The following SERPINB12 variants were observed in gnomAD, a reference collection of about 807,000 sequenced individuals.
The protein encoded by SERPINB12 is serpin family B member 12, also known as serpin B12.
SERPINB12 carries 57 observed loss-of-function variants against 41.1 expected under a neutral mutation model. That is an observed-to-expected ratio of 1.39 (90% CI 1.12 to 1.73). The LOEUF is 1.73. Ranked by LOEUF, SERPINB12 falls within the 40% of genes most tolerant of loss-of-function variation. The pLI is 0.00. For missense variants in SERPINB12, 536 were observed against 501.9 expected, an observed-to-expected ratio of 1.07 and a Z score of -0.65; for synonymous variants, 180 against 181.3, an observed-to-expected ratio of 0.99 and a Z score of 0.06.
chr18:63,562,686 T>C (rs1910953075), intron 5 of SERPINB12, among the ~76,000 whole-genome samples: 2 of 152,200 alleles, frequency 1.3e-5, no homozygotes, highest in South Asian at 4.1e-4. Flanking sequence ...AAGGCTCTAC[T>C]CAGCTGTCAA....
rs1412167462 is a variant in SERPINB12 at position 63,556,322 on chromosome 18, G to T, written c.163G>T (p.Asp55Tyr). The T allele has an allele frequency of 6.2e-7, 1 of 1,613,648 alleles. No individual in the cohort carries two copies. The highest frequency in any genetic ancestry group is 8.5e-7 in the Non-Finnish European group (1 of 1,179,718). ...TAGAAGTGACAGTGCACATCAGATT[G>T]ATGAGGTACGTGTCCACTAGGGTGC... ...GARSDSAHQI[D>Y]EVLHFNEFSQ... The change falls in exon 2 of 8, where the codon GAT becomes TAT. Residue 55 changes from aspartate (D) to tyrosine (Y), a missense_variant. Asp to Tyr is a radical substitution (Grantham distance 160, BLOSUM62 -3). Coordinates refer to ENST00000382768, the MANE Select transcript of SERPINB12 (RefSeq NM_001307928.2).
the SERPINB12 span, among the ~76,000 whole-genome samples, chr18:63,532,683 A>C: frequency 1.3e-5 from 2 of 152,134 alleles, no homozygotes; most frequent in Non-Finnish European, 2.9e-5. Flanking sequence ...GGTAGATGCA[A>C]ATGATTCTTG....
the SERPINB12 span, among the ~76,000 whole-genome samples, chr18:63,530,329 A>T: frequency 6.6e-6 from 1 of 152,166 alleles, no homozygotes; most frequent in African/African-American, 2.4e-5. Context: ...TGGACTCTCT[A>T]CAGTTACACT....
chr18:63,565,727 C>T (rs1415939455), intron 7 of SERPINB12, 115 bp downstream of exon 7: 8 of 798,982 alleles, frequency 1.0e-5, no homozygotes, highest in Admixed American at 3.1e-5. Context: ...TCAGAGACAT[C>T]AAGGAATGTG....
chr18:63,540,506 G>C (rs898773337), upstream of SERPINB12, among the ~76,000 whole-genome samples: 2 of 152,100 alleles, frequency 1.3e-5, no homozygotes, highest in Non-Finnish European at 2.9e-5. Context: ...GCTTAAAAAT[G>C]CTCATGCATT....
chr18:63,534,509 C>T, the SERPINB12 span, among the ~76,000 whole-genome samples: 4 of 152,168 alleles, frequency 2.6e-5, no homozygotes, highest in African/African-American at 9.7e-5. Context: ...ATGATATTGG[C>T]CAGCACAGAA....
chr18:63,520,873 A>G, the SERPINB12 span, among the ~76,000 whole-genome samples: 2 of 152,266 alleles, frequency 1.3e-5, no homozygotes, highest in Non-Finnish European at 2.9e-5. Context: ...TCTCCAAAAG[A>G]AAATGATATT....
rs545823101 is a variant in SERPINB12 at position 63,547,151 on chromosome 18, T to C, written c.-19+4659T>C. On this transcript the variant is annotated intron_variant, in intron 1 of 7. Transcript: ENST00000382768. Reference sequence around the variant, plus strand: ...ATGTGGCAGTCATCACTGGGAGATATTAACAATGCTTGTCACCTCGCTCAG... The same window carrying C: ...ATGTGGCAGTCATCACTGGGAGATACTAACAATGCTTGTCACCTCGCTCAG... Among the ~76,000 whole-genome samples the C allele has an allele frequency of 1.1e-4, 16 of 152,342 alleles. 1 individual carries two copies. In the East Asian group the frequency reaches 3.1e-3, roughly 29 times the overall value.
chr18:63,541,013 A>G (rs1300773325), upstream of SERPINB12, among the ~76,000 whole-genome samples: 1 of 152,156 alleles, frequency 6.6e-6, no homozygotes, highest in African/African-American at 2.4e-5. Context: ...CGTTTTCAGT[A>G]TTTTTAATAT....
At chr18:63,560,430 G>C (rs1910863977) in intron 4 of SERPINB12, among the ~76,000 whole-genome samples, 2 of 152,186 alleles carry the variant, frequency 1.3e-5, no homozygotes, top group African/African-American at 4.8e-5. Context: ...GTGTTTCCTT[G>C]CAATGAAAGT....
the SERPINB12 span, among the ~76,000 whole-genome samples, chr18:63,534,593 T>A: frequency 5.2e-3 from 790 of 152,300 alleles, 3 homozygotes; most frequent in African/African-American, 0.018. Context: ...GGAAATAACC[T>A]GAAATTCACA....
intron 1 of SERPINB12, among the ~76,000 whole-genome samples, chr18:63,551,594 CTA>C (rs1568126074): frequency 6.6e-6 from 1 of 152,050 alleles, no homozygotes; most frequent in Non-Finnish European, 1.5e-5. Flanking sequence ...GAGATCCATG[CTA>C]TGTGTTTATT....
At chr18:63,553,517 G>A (rs1465668723) in intron 1 of SERPINB12, among the ~76,000 whole-genome samples, 1 of 152,146 alleles carries the variant, frequency 6.6e-6, no homozygotes, top group Middle Eastern at 3.2e-3. Context: ...AACATTTGAA[G>A]AGCCAGGTTG....
At chr18:63,548,830 T>C (rs79135978) in intron 1 of SERPINB12, among the ~76,000 whole-genome samples, 6,218 of 152,140 alleles carry the variant, frequency 0.041, 431 homozygotes, top group African/African-American at 0.14. Context: ...GATTATGATA[T>C]AGCAGTTTCA....
chr18:63,536,326 AC>A, the SERPINB12 span, among the ~76,000 whole-genome samples: 1 of 152,040 alleles, frequency 6.6e-6, no homozygotes, highest in Non-Finnish European at 1.5e-5. Context: ...ATTTATAACA[AC>A]AAAAGAGGAT....
intron 5 of SERPINB12, among the ~76,000 whole-genome samples, chr18:63,561,762 A>G (rs1910918903): frequency 6.6e-6 from 1 of 152,236 alleles, no homozygotes; most frequent in Non-Finnish European, 1.5e-5. Flanking sequence ...AATGGAGGCC[A>G]TAATCCTATG....
At position 63,567,890 on chromosome 18, in the gene SERPINB12, G is replaced by A. The variant is rs1911166218; in HGVS notation, c.*879G>A. 6.6e-6 allele frequency among the ~76,000 whole-genome samples: 1 copy of A among 152,208 alleles called. No individual in the cohort carries two copies. Among genetic ancestry groups the A allele is most frequent in the Non-Finnish European group, 1.5e-5 (1 of 68,032 alleles). On this transcript the variant is annotated 3_prime_UTR_variant, in exon 8 of 8. Transcript: ENST00000382768. ...CATTGTGGACGGCTGGCCTCCGTAT[G>A]CCCCTCTCTCTGCCTTCTGGCCACG...
chr18:63,546,301 C>CCTAT (rs1910386120), intron 1 of SERPINB12, among the ~76,000 whole-genome samples: 1 of 152,132 alleles, frequency 6.6e-6, no homozygotes, highest in South Asian at 2.1e-4. Context: ...CACTTTTTGC[C>CCTAT]CTATCCACTG....
chr18:63,555,956 T>A (rs1166730651), intron 1 of SERPINB12, among the ~76,000 whole-genome samples, 186 bp from the exon 2 acceptor site: 2 of 152,176 alleles, frequency 1.3e-5, no homozygotes, highest in East Asian at 1.9e-4. Context: ...TGAAAATAGA[T>A]CTCTGTCTAT....
Sources: allele counts gnomAD v4.1 joint callset (sites outside exome capture counted in the v4.1 genomes callset), GRCh38; gene constraint gnomAD v4.1.1; transcripts MANE v1.5; gene names NCBI Gene and HGNC (gene_info 2026-07-23, HGNC 2026-07-21).